Variants in HDAC9 observed in about 807,000 individuals in gnomAD.
HDAC9 encodes the protein histone deacetylase 9, also known as MEF-2 interacting transcription repressor (MITR) protein.
HDAC9 carries 41 observed loss-of-function variants against 139.4 expected under a neutral mutation model. The ratio of observed to expected loss-of-function variants is 0.29; its 90% confidence interval spans 0.23 to 0.38. The LOEUF is 0.38. Ranked by LOEUF, HDAC9 falls within the 10% of genes least tolerant of loss-of-function variation. HDAC9 has a pLI of 1.00. For missense variants in HDAC9, 1,147 were observed against 1,297.0 expected (o/e 0.88, Z 1.78); for synonymous variants, 517 against 476.2 (o/e 1.09, Z -1.12).
rs375385069 is a variant in HDAC9, at chr7:18,325,121, G to A, written c.-42+34606G>A. ...TTGCCTGAAATAAAAGGCACAAGAA[G>A]TACTAGAAGTTAATAAAAAAAGACC... On this transcript the variant is annotated intron_variant, in intron 1 of 3. Coordinates refer to the HDAC9 transcript ENST00000413509. Among the ~76,000 whole-genome samples the A allele has an allele frequency of 2.6e-5, 4 of 152,164 alleles. No homozygotes were observed. The East Asian group carries it at 7.7e-4, about 29-fold the overall frequency.
intron 21 of HDAC9, among the ~76,000 whole-genome samples, chr7:18,840,856 C>T (rs1009366743): frequency 6.6e-6 from 1 of 152,094 alleles, no homozygotes; most frequent in Non-Finnish European, 1.5e-5. Flanking sequence ...AATTCTGTTC[C>T]TGATGCTGAG....
chr7:18,539,401 C>A (rs1425088774), intron 2 of HDAC9, among the ~76,000 whole-genome samples: 3 of 152,158 alleles, frequency 2.0e-5, no homozygotes. Flanking sequence ...GAAACTGTCA[C>A]AGATCAGAGG....
At position 18,541,884 on chromosome 7, in the gene HDAC9, C is replaced by A. The variant is rs76718383; in HGVS notation, c.23-43397C>A. Among the ~76,000 whole-genome samples, 32 of 152,266 alleles carry A rather than the reference C, an allele frequency of 2.1e-4. 1 individual carries two copies. The East Asian group carries it at 6.2e-3, about 29-fold the overall frequency. On this transcript the variant is annotated intron_variant, in intron 2 of 25. Coordinates refer to ENST00000686413, the MANE Select transcript of HDAC9 (RefSeq NM_178425.4). ...TCTGTATTATTTATACCAAATCTTT[C>A]TCTCTGGCCTAGACCGCTTTTTTAA...
At chr7:18,988,759 C>T (rs1444051537) in intron 25 of HDAC9, among the ~76,000 whole-genome samples, 5 of 151,636 alleles carry the variant, frequency 3.3e-5, no homozygotes. Flanking sequence ...GTATTGGGTG[C>T]ATATATATTT....
chr7:18,206,038 A>G (rs888152074), intron 2 of HDAC9, among the ~76,000 whole-genome samples: 2 of 152,172 alleles, frequency 1.3e-5, no homozygotes, highest in Non-Finnish European at 2.9e-5. Flanking sequence ...TTAATAGTTA[A>G]AATTTTGAAT....
chr7:18,926,536 C>G (rs1408200436), intron 22 of HDAC9, among the ~76,000 whole-genome samples: 1 of 152,002 alleles, frequency 6.6e-6, no homozygotes, highest in Non-Finnish European at 1.5e-5. Context: ...TAACTCATAT[C>G]TAATAGAAGT....
At chr7:18,516,180 G>C (rs1803119412) in intron 2 of HDAC9, among the ~76,000 whole-genome samples, 1 of 152,116 alleles carries the variant, frequency 6.6e-6, no homozygotes, top group Non-Finnish European at 1.5e-5. Flanking sequence ...GGGCCACATT[G>C]TGTCATCCTA....
At chr7:18,789,286 G>GCGCGCGCACA (rs146066951) in intron 16 of HDAC9, among the ~76,000 whole-genome samples, 11 of 148,506 alleles carry the variant, frequency 7.4e-5, no homozygotes, top group South Asian at 2.2e-4. Flanking sequence ...ACACATACAC[G>GCGCGCGCACA]CACACACACA....
chr7:18,757,599 A>C (rs981935559), intron 14 of HDAC9, among the ~76,000 whole-genome samples: 1 of 152,132 alleles, frequency 6.6e-6, no homozygotes, highest in Non-Finnish European at 1.5e-5. Flanking sequence ...AAAGGTTCTG[A>C]TTCCTCCAGG....
chr7:18,724,050 C>G (rs1785342068), intron 12 of HDAC9, among the ~76,000 whole-genome samples: 1 of 152,134 alleles, frequency 6.6e-6, no homozygotes, highest in Admixed American at 6.6e-5. Context: ...ATGCACACAC[C>G]CATGCAAAAT....
At chr7:18,098,145 CA>C (rs1782627781) in intron 1 of HDAC9, among the ~76,000 whole-genome samples, 1 of 152,206 alleles carries the variant, frequency 6.6e-6, no homozygotes, top group Admixed American at 6.5e-5. Flanking sequence ...TGACAAGTTT[CA>C]CTGCTGTTGC....
At chr7:18,443,631 A>T (rs1213088828) in intron 1 of HDAC9, among the ~76,000 whole-genome samples, 1 of 152,158 alleles carries the variant, frequency 6.6e-6, no homozygotes, top group Non-Finnish European at 1.5e-5. Context: ...CTTATATATG[A>T]ATATTTGGTT....
At chr7:18,960,313 A>G (rs1362151765) in intron 24 of HDAC9, among the ~76,000 whole-genome samples, 2 of 152,126 alleles carry the variant, frequency 1.3e-5, no homozygotes, top group Non-Finnish European at 2.9e-5. Context: ...TCCTTGTCAG[A>G]ACTGTGCTTG....
At chr7:18,138,264 A>G (rs959000683) in intron 1 of HDAC9, among the ~76,000 whole-genome samples, 1 of 151,902 alleles carries the variant, frequency 6.6e-6, no homozygotes, top group African/African-American at 2.4e-5. Context: ...CAGCTCCTGG[A>G]TTCATTCTTT....
chr7:18,566,455 C>T (rs768444911), intron 2 of HDAC9, among the ~76,000 whole-genome samples: 4 of 152,166 alleles, frequency 2.6e-5, no homozygotes, highest in South Asian at 2.1e-4. Flanking sequence ...TGAAGGCCAA[C>T]AGCAGTTGCC....
chr7:18,835,809 C>A, intron 20 of HDAC9, 91 bp from the exon 21 acceptor site: 2 of 998,810 alleles, frequency 2.0e-6, no homozygotes, highest in Non-Finnish European at 3.0e-6. Context: ...ATGTTTATTT[C>A]AAGAGCTCCC....
chr7:18,922,360 A>G (rs1279087209), intron 22 of HDAC9, among the ~76,000 whole-genome samples: 1 of 152,092 alleles, frequency 6.6e-6, no homozygotes, highest in African/African-American at 2.4e-5. Flanking sequence ...ATGATAGTCT[A>G]ATTTCTTTTT....
At chr7:18,930,151 A>C in intron 22 of HDAC9, among the ~76,000 whole-genome samples, 1 of 152,028 alleles carries the variant, frequency 6.6e-6, no homozygotes, top group East Asian at 1.9e-4. Flanking sequence ...CTGATGCCCT[A>C]TGTGGTTGTT....
At chr7:18,354,982 A>C (rs1400271791) in intron 1 of HDAC9, among the ~76,000 whole-genome samples, 1 of 152,184 alleles carries the variant, frequency 6.6e-6, no homozygotes, top group Non-Finnish European at 1.5e-5. Context: ...ATGTGATACA[A>C]GGAATGATAA....
Sources: allele counts gnomAD v4.1 joint callset (sites outside exome capture counted in the v4.1 genomes callset), GRCh38; gene constraint gnomAD v4.1.1; transcripts MANE v1.5; gene names NCBI Gene and HGNC (gene_info 2026-07-23, HGNC 2026-07-21).